The following HMCN2 variants were observed in gnomAD, a reference collection of about 807,000 sequenced individuals.
The protein encoded by HMCN2 is hemicentin 2, also known as hemicentin-2.
Under a neutral mutation model 377.5 loss-of-function variants are expected in HMCN2, and 325 were observed. The ratio of observed to expected loss-of-function variants is 0.86; its 90% CI spans 0.79 to 0.94. The LOEUF is 0.94. Among genes scored for constraint, HMCN2 ranks in the 40% least tolerant of loss-of-function variants. The pLI is 0.00. For missense variants in HMCN2, 4,543 were observed against 4,725.3 expected, an observed-to-expected ratio of 0.96 and a Z score of 1.13; for synonymous variants, 2,007 against 2,046.8, an observed-to-expected ratio of 0.98 and a Z score of 0.53.
At chr9:130,405,685 C>T (rs1009257572) in intron 81 of HMCN2, among the ~76,000 whole-genome samples, 1 of 152,248 alleles carries the variant, frequency 6.6e-6, no homozygotes, top group Non-Finnish European at 1.5e-5. Context: ...GTTCTGAGGA[C>T]AGGGCAGCAC....
At position 130,307,463 on chromosome 9, in the gene HMCN2, G is replaced by T. The variant is rs782144289; in HGVS notation, c.2097G>T (p.Ser699=). The change falls in exon 14 of 98, where the codon TCG becomes TCT. Residue 699 remains serine, a synonymous_variant. Transcript: ENST00000683500. ...CTCTTCCCCACACAGACCCACCGTCGGTCTCTGCTGTAAATGCCGTGGTGC... is the reference window on the plus strand; with the variant it reads ...CTCTTCCCCACACAGACCCACCGTCTGTCTCTGCTGTAAATGCCGTGGTGC... ...TVTLYYTDPP[S]VSAVNAVVLV... The T allele has an allele frequency of 1.4e-4, 68 of 471,080 alleles. 1 individual carries two copies. The highest frequency in any genetic ancestry group is 1.0e-3 in the South Asian group (67 of 64,564). 29.2% of individuals were successfully genotyped at this position (471,080 alleles called of 1,614,324 possible).
chr9:130,377,566 T>G, intron 52 of HMCN2, 83 bp from the exon 53 acceptor site: 42 of 774,316 alleles, frequency 5.4e-5, no homozygotes, highest in Non-Finnish European at 6.0e-5. Flanking sequence ...GAGAATGTAT[T>G]GAGAATTAAG....
intron 1 of HMCN2, among the ~76,000 whole-genome samples, chr9:130,271,151 C>T (rs1320956598): frequency 3.4e-5 from 5 of 148,878 alleles, no homozygotes; most frequent in Admixed American, 1.3e-4. Context: ...CACGCTATCA[C>T]GGTGATGGAA....
intron 43 of HMCN2, 105 bp downstream of exon 43, chr9:130,366,100 G>A: frequency 2.3e-6 from 2 of 874,056 alleles, no homozygotes; most frequent in Non-Finnish European, 2.7e-6. Flanking sequence ...TGAGATGGGG[G>A]GGTCTTATAC....
intron 71 of HMCN2, among the ~76,000 whole-genome samples, chr9:130,395,657 C>T (rs1346284280): frequency 6.6e-6 from 1 of 152,192 alleles, no homozygotes; most frequent in African/African-American, 2.4e-5. Context: ...CCGTGCCCAC[C>T]CCTCAAATGG....
chr9:130,359,707 G>C (rs772355948), intron 37 of HMCN2, among the ~76,000 whole-genome samples: 1 of 152,158 alleles, frequency 6.6e-6, no homozygotes, highest in Non-Finnish European at 1.5e-5. Flanking sequence ...TCACCATCTG[G>C]TCTGTAGGGT....
intron 85 of HMCN2, among the ~76,000 whole-genome samples, chr9:130,418,484 T>C (rs1176994815): frequency 2.0e-5 from 3 of 151,974 alleles, no homozygotes; most frequent in Non-Finnish European, 2.9e-5. Context: ...GAGGCAGAGA[T>C]TGCAGTGAGC....
intron 90 of HMCN2, among the ~76,000 whole-genome samples, chr9:130,426,681 G>T (rs183814488): frequency 6.6e-6 from 1 of 152,032 alleles, no homozygotes; most frequent in African/African-American, 2.4e-5. Context: ...CCCACAGGCC[G>T]CATGCCACCC....
intron 22 of HMCN2, among the ~76,000 whole-genome samples, chr9:130,331,845 G>A (rs1224947001): frequency 2.6e-5 from 4 of 152,308 alleles, no homozygotes; most frequent in African/African-American, 4.8e-5. Context: ...ATTCCACACA[G>A]GGCCAAATCC....
At position 130,362,853 on chromosome 9, in the gene HMCN2, C is replaced by T. The variant is rs993916265; in HGVS notation, c.6109-14C>T. 16 of 985,904 alleles carry T rather than the reference C, an allele frequency of 1.6e-5. No homozygotes were observed. The highest frequency in any genetic ancestry group is 1.9e-5 in the Non-Finnish European group (16 of 829,982). The allele number at this position is 985,904 out of a possible 1,614,324, so 61.1% of individuals were successfully genotyped here. A position where few individuals can be genotyped will look rare whatever the true frequency, so the allele number is the denominator to read the frequency against. On this transcript the variant is annotated splice_polypyrimidine_tract_variant and intron_variant, in intron 39 of 97. Coordinates refer to ENST00000683500, the MANE Select transcript of HMCN2 (RefSeq NM_001291815.2). ...GGACAGTTGCCTAATTTGGGCTTCC[C>T]CCTGGGGTCACAGGTCTTCCCTGGG... is the stretch of plus-strand genomic sequence containing the variant.
rs895764536 is a variant in HMCN2 at position 130,332,914 on chromosome 9, G to A, written c.3360-4980G>A. ...GGGGAGTGCCGTTCATTCCACGGCCGCCGGCCCTGCTCCTGGATGCTTTAT... is the reference window on the plus strand; with the variant it reads ...GGGGAGTGCCGTTCATTCCACGGCCACCGGCCCTGCTCCTGGATGCTTTAT... On this transcript the variant is annotated intron_variant, in intron 22 of 97. Coordinates refer to ENST00000683500, the MANE Select transcript of HMCN2 (RefSeq NM_001291815.2). Among the ~76,000 whole-genome samples, 4 of 152,162 alleles carry A rather than the reference G, an allele frequency of 2.6e-5. No individual in the cohort carries two copies. In the East Asian group the frequency reaches 5.8e-4, roughly 22 times the overall value.
At chr9:130,315,000 T>C (rs1837454535) in intron 15 of HMCN2, among the ~76,000 whole-genome samples, 2 of 151,776 alleles carry the variant, frequency 1.3e-5, no homozygotes, top group African/African-American at 4.8e-5. Context: ...GTCATCTGAC[T>C]TCACCAGGGC....
At chr9:130,366,934 G>A (rs1002366951) in intron 43 of HMCN2, among the ~76,000 whole-genome samples, 4 of 68,690 alleles carry the variant, frequency 5.8e-5, no homozygotes, top group Non-Finnish European at 8.3e-5. Flanking sequence ...GCTAGGAAGC[G>A]GGAAAGATGT....
At chr9:130,277,847 C>T (rs1232506768) in intron 1 of HMCN2, among the ~76,000 whole-genome samples, 45 of 12,608 alleles carry the variant, frequency 3.6e-3, no homozygotes, top group Non-Finnish European at 5.1e-3. Flanking sequence ...ATCATCATCA[C>T]CACCACCACC....
chr9:130,305,253 C>A (rs573064023), intron 11 of HMCN2, among the ~76,000 whole-genome samples: 2 of 152,324 alleles, frequency 1.3e-5, no homozygotes, highest in East Asian at 3.9e-4. Flanking sequence ...AAGCCAATTT[C>A]AATTGTGTCT....
intron 25 of HMCN2, among the ~76,000 whole-genome samples, chr9:130,345,874 C>T (rs1003083350): frequency 2.0e-5 from 3 of 151,684 alleles, no homozygotes; most frequent in Admixed American, 1.3e-4. Flanking sequence ...CAGGGTAGGG[C>T]GGAGGGGGCA....
chr9:130,421,523 T>C (rs1844012135), intron 86 of HMCN2, among the ~76,000 whole-genome samples: 1 of 152,178 alleles, frequency 6.6e-6, no homozygotes, highest in Admixed American at 6.5e-5. Context: ...CTGAGAGAGC[T>C]GGCGGTGGCT....
intron 1 of HMCN2, 21 bp from the exon 2 acceptor site, chr9:130,284,582 G>A (rs782314413): frequency 4.9e-5 from 23 of 471,008 alleles, no homozygotes; most frequent in South Asian, 3.1e-4. Flanking sequence ...CCATCTGGGC[G>A]TCCCTCTCTC....
Position 130,402,877 on chromosome 9 carries a change from C to A in HMCN2, c.11859C>A (p.His3953Gln). The A allele has an allele frequency of 2.3e-6, 3 of 1,289,714 alleles. No individual in the cohort carries two copies. The highest frequency in any genetic ancestry group is 3.0e-6 in the Non-Finnish European group (3 of 988,846). The allele number at this position is 1,289,714 out of a possible 1,614,324, so 79.9% of individuals were successfully genotyped here. Residue 3953 changes from histidine to glutamine, a missense_variant, in exon 78 of 98, where the codon CAC (histidine) becomes CAA (glutamine). Physicochemically the swap from His to Gln is conservative, Grantham distance 24. This residue lies in a region of HMCN2 where 1,073 missense variants were observed against 1,319.5 expected (regional missense o/e 0.81). Coordinates refer to ENST00000683500, the MANE Select transcript of HMCN2 (RefSeq NM_001291815.2). ...ARNSAGVAHK[H>Q]VFLTVQASPV... ...ACTCTGCCGGCGTAGCCCACAAGCA[C>A]GTCTTCCTCACTGTGCAAGGTAAGG...
Sources: allele counts gnomAD v4.1 joint callset (sites outside exome capture counted in the v4.1 genomes callset), GRCh38; gene constraint gnomAD v4.1.1; regional missense constraint gnomAD v4.1.1; transcripts MANE v1.5; gene names NCBI Gene and HGNC (gene_info 2026-07-23, HGNC 2026-07-21).